CEP89: variants seen among roughly 807,000 people sequenced by gnomAD.
CEP89 encodes centrosomal protein of 89 kDa.
In CEP89, 95 loss-of-function variants were observed where a neutral mutation model predicts 97.6. The observed-to-expected ratio is 0.97, with a 90% CI of 0.82 to 1.15. The LOEUF is 1.15. Among genes scored for constraint, CEP89 ranks in the 50% most tolerant of loss-of-function variants. CEP89 has a pLI of 0.00. For synonymous variants in CEP89, 354 were observed against 349.1 expected (o/e 1.01, Z -0.16); for missense variants, 869 against 947.7 (o/e 0.92, Z 1.09).
At chr19:32,925,358 T>C (rs561750436) in intron 11 of CEP89, among the ~76,000 whole-genome samples, 1 of 152,158 alleles carries the variant, frequency 6.6e-6, no homozygotes, top group South Asian at 2.1e-4. Flanking sequence ...GATAAAAACC[T>C]CACTTCTCCA....
chr19:32,950,961 A>C (rs1211144891), intron 4 of CEP89, among the ~76,000 whole-genome samples: 1 of 152,218 alleles, frequency 6.6e-6, no homozygotes, highest in Non-Finnish European at 1.5e-5. Flanking sequence ...ATCTCAGGTT[A>C]TTTTTAAAGA....
chr19:32,913,996 T>C (rs561497731), intron 14 of CEP89, among the ~76,000 whole-genome samples: 2 of 152,262 alleles, frequency 1.3e-5, no homozygotes, highest in East Asian at 3.9e-4. Flanking sequence ...TTTTAAAACC[T>C]AAACTCATTA....
chr19:32,896,217 T>C (rs1433612850), intron 16 of CEP89, among the ~76,000 whole-genome samples: 1 of 152,150 alleles, frequency 6.6e-6, no homozygotes, highest in Non-Finnish European at 1.5e-5. Flanking sequence ...AACTTCAAAA[T>C]ACATTACAAG....
chr19:32,893,775 A>G (rs563842301), intron 16 of CEP89, among the ~76,000 whole-genome samples: 1 of 152,386 alleles, frequency 6.6e-6, no homozygotes, highest in African/African-American at 2.4e-5. Flanking sequence ...CTTAACAATG[A>G]TTGGGTCAAT....
In CEP89 at chr19:32,878,784, A is replaced by G; in HGVS notation, c.*378T>C. The G allele has an allele frequency of 6.1e-6, 1 of 163,792 alleles. No homozygotes were observed. The highest frequency in any genetic ancestry group is 1.3e-5 in the Non-Finnish European group (1 of 75,872). 10.1% of individuals were successfully genotyped at this position (163,792 alleles called of 1,614,324 possible). Reference sequence around the variant, plus strand: ...GGAGTTCAAGACCAGCCTGAGCAACATAGCAAGACCTCATCTCAACAAAAA... The same window carrying G: ...GGAGTTCAAGACCAGCCTGAGCAACGTAGCAAGACCTCATCTCAACAAAAA... On this transcript the variant is annotated 3_prime_UTR_variant, in exon 19 of 19. Transcript: ENST00000305768.
chr19:32,901,540 T>C, intron 14 of CEP89, 128 bp from the exon 15 acceptor site: 1 of 905,414 alleles, frequency 1.1e-6, no homozygotes, highest in South Asian at 1.6e-5. Context: ...TTGGAATGCC[T>C]CTGTGGAAAC....
intron 16 of CEP89, among the ~76,000 whole-genome samples, chr19:32,898,416 G>A (rs1206845387): frequency 6.6e-6 from 1 of 152,134 alleles, no homozygotes; most frequent in Non-Finnish European, 1.5e-5. Flanking sequence ...GGGCTGGGGG[G>A]CAGGTGGCTG....
intron 16 of CEP89, among the ~76,000 whole-genome samples, chr19:32,889,666 C>T (rs1969472240): frequency 6.6e-6 from 1 of 152,118 alleles, no homozygotes; most frequent in Non-Finnish European, 1.5e-5. Flanking sequence ...TGTGATACTC[C>T]CTGGCCCATG....
Position 32,881,825 on chromosome 19 carries a change from C to CG in CEP89, c.2135+18dup. 6.3e-7 allele frequency: 1 copy of CG among 1,587,580 alleles called. No individual in the cohort carries two copies. Among genetic ancestry groups the CG allele is most frequent in the Non-Finnish European group, 8.5e-7 (1 of 1,172,056 alleles). ...ATTCAGACATCTCTGCGGGCCATGG[C>CG]GCAGGGCGCATGCCCCACCTGTTCT... On this transcript the variant is annotated intron_variant, in intron 18 of 18. Coordinates refer to ENST00000305768, the MANE Select transcript of CEP89 (RefSeq NM_032816.5).
At chr19:32,892,933 C>A (rs1035546663) in intron 16 of CEP89, among the ~76,000 whole-genome samples, 1 of 151,930 alleles carries the variant, frequency 6.6e-6, no homozygotes, top group African/African-American at 2.4e-5. Flanking sequence ...AGAAGGAACT[C>A]AAATGTTATC....
At chr19:32,886,911 A>G (rs1328593746) in intron 17 of CEP89, among the ~76,000 whole-genome samples, 3 of 145,836 alleles carry the variant, frequency 2.1e-5, no homozygotes, top group African/African-American at 7.7e-5. Context: ...GAGGTGGCTC[A>G]TGTCTGTAAT....
At chr19:32,925,240 G>A (rs1252484170) in intron 11 of CEP89, among the ~76,000 whole-genome samples, 1 of 133,180 alleles carries the variant, frequency 7.5e-6, no homozygotes, top group Non-Finnish European at 1.6e-5. Context: ...AATGCAGGAG[G>A]CACAGGAGGC....
At chr19:32,961,151 A>G (rs868410567) in intron 2 of CEP89, among the ~76,000 whole-genome samples, 17 of 152,292 alleles carry the variant, frequency 1.1e-4, no homozygotes, top group African/African-American at 3.4e-4. Flanking sequence ...TGCTCCCACC[A>G]GGAAGACTGG....
At chr19:32,955,783 A>G (rs4805831) in intron 3 of CEP89, among the ~76,000 whole-genome samples, 56,214 of 151,862 alleles carry the variant, frequency 0.37, 10,549 homozygotes, top group Admixed American at 0.48. Context: ...AAAAGTGCTG[A>G]GGTTACAGGC....
rs752194430 is a variant in CEP89 at position 32,881,937 on chromosome 19, C to G, written c.2042G>C (p.Gly681Ala). The G allele has an allele frequency of 1.9e-5, 30 of 1,599,072 alleles. No individual in the cohort carries two copies. The highest frequency in any genetic ancestry group is 2.6e-5 in the Non-Finnish European group (30 of 1,173,814). Reference protein sequence around the residue: ...RLLEQQEDFAGKTAQYRQEMR... With the variant: ...RLLEQQEDFAAKTAQYRQEMR... ...CTCCTGCCGGTACTGGGCTGTCTTG[C>G]CGGCGAAGTCCTCCTGCTGCTCCAG... Residue 681 changes from glycine (G) to alanine (A), a missense_variant, in exon 18 of 19, where the codon GGC becomes GCC. By Grantham distance (60) the Gly-to-Ala change is moderately conservative. Transcript: ENST00000305768.
At chr19:32,890,360 A>C (rs1432769288) in intron 16 of CEP89, among the ~76,000 whole-genome samples, 2 of 152,200 alleles carry the variant, frequency 1.3e-5, no homozygotes, top group Non-Finnish European at 2.9e-5. Context: ...AGATTGTGCC[A>C]CTGCACTTCA....
intron 16 of CEP89, among the ~76,000 whole-genome samples, chr19:32,896,974 C>T (rs1274981435): frequency 6.6e-6 from 1 of 152,128 alleles, no homozygotes; most frequent in African/African-American, 2.4e-5. Flanking sequence ...AATGAGATAT[C>T]ATCTTACTCC....
chr19:32,882,038 A>C, intron 17 of CEP89, 25 bp from the exon 18 acceptor site: 1 of 1,547,154 alleles, frequency 6.5e-7, no homozygotes. Context: ...GACTCTGTGA[A>C]TGAGGGGACG....
At chr19:32,880,207 GA>G (rs1182218319) in intron 18 of CEP89, among the ~76,000 whole-genome samples, 1 of 152,238 alleles carries the variant, frequency 6.6e-6, no homozygotes, top group Non-Finnish European at 1.5e-5. Context: ...CCAGGCTGGA[GA>G]GGCCAGCTCC....
Sources: allele counts gnomAD v4.1 joint callset (sites outside exome capture counted in the v4.1 genomes callset), GRCh38; gene constraint gnomAD v4.1.1; transcripts MANE v1.5; gene names NCBI Gene and HGNC (gene_info 2026-07-23, HGNC 2026-07-21).